CCNY: variants seen among roughly 807,000 people sequenced by gnomAD.
CCNY encodes the protein cyclin Y.
Under a neutral mutation model 42.8 loss-of-function variants are expected in CCNY, and 19 were observed. The observed-to-expected ratio is 0.44, with a 90% confidence interval of 0.31 to 0.65. The LOEUF (loss-of-function observed/expected upper bound fraction) is 0.65. CCNY is among the 30% of genes least tolerant of loss of function. The pLI is 0.07. For synonymous variants in CCNY, 165 were observed against 162.7 expected (o/e 1.01, Z -0.11); for missense variants, 370 against 437.3 (o/e 0.85, Z 1.37).
chr10:35,535,531 C>T (rs780368891), intron 7 of CCNY, among the ~76,000 whole-genome samples: 7 of 152,124 alleles, frequency 4.6e-5, no homozygotes, highest in East Asian at 3.9e-4. Context: ...TGTATGTATA[C>T]GTATATGTAT....
chr10:35,368,243 A>G (rs1306333135), intron 1 of CCNY, among the ~76,000 whole-genome samples: 1 of 152,180 alleles, frequency 6.6e-6, no homozygotes, highest in Non-Finnish European at 1.5e-5. Flanking sequence ...AGTCTTGTTC[A>G]GTTTTCTGGG....
intron 1 of CCNY, among the ~76,000 whole-genome samples, chr10:35,451,123 G>A (rs1823259240): frequency 6.6e-6 from 1 of 152,192 alleles, no homozygotes; most frequent in Non-Finnish European, 1.5e-5. Context: ...CAGAATAAAT[G>A]TGTATTTCCC....
At chr10:35,469,268 A>G (rs1732522447) in intron 1 of CCNY, among the ~76,000 whole-genome samples, 1 of 152,230 alleles carries the variant, frequency 6.6e-6, no homozygotes, top group Non-Finnish European at 1.5e-5. Context: ...GCTGTATTAT[A>G]TTTTAACTCA....
intron 1 of CCNY, among the ~76,000 whole-genome samples, chr10:35,345,193 A>G (rs1021395197): frequency 6.6e-6 from 1 of 152,246 alleles, no homozygotes; most frequent in Non-Finnish European, 1.5e-5. Flanking sequence ...TCCTACCAAC[A>G]GTGTAAAAAT....
chr10:35,414,234 CT>C (rs1180206488), intron 1 of CCNY, among the ~76,000 whole-genome samples: 3 of 152,208 alleles, frequency 2.0e-5, no homozygotes, highest in Non-Finnish European at 4.4e-5. Context: ...AGTCAAGATA[CT>C]TCCATGGCTA....
intron 1 of CCNY, among the ~76,000 whole-genome samples, chr10:35,418,057 T>C (rs1838064284): frequency 2.0e-5 from 3 of 152,244 alleles, no homozygotes; most frequent in African/African-American, 7.2e-5. Context: ...GATAAGACTT[T>C]TGAGTATAAA....
chr10:35,449,777 T>G lies in CCNY; in HGVS notation c.155-33627T>G, dbSNP rs1375517447. 4.1e-6 allele frequency: 4 copies of G among 985,258 alleles called. No homozygotes were observed. The Admixed American group carries it at 2.5e-4, about 61-fold the overall frequency. 61.0% of individuals were successfully genotyped at this position (985,258 alleles called of 1,614,324 possible). ...AATGGAGGCAAGAAGGCTGCAGTGC[T>G]TCTCCTGGCCTCTGTCTTCTCAGCT... On this transcript the variant is annotated intron_variant, in intron 1 of 9. Transcript: ENST00000374704.
chr10:35,290,264 A>ACACACACACACACACACAC (rs61407161), intron 3 of CCNY, among the ~76,000 whole-genome samples: 2 of 149,090 alleles, frequency 1.3e-5, no homozygotes, highest in African/African-American at 5.0e-5. Context: ...ACACACACAC[A>ACACACACACACACACACAC]AAATTAGCTG....
intron 1 of CCNY, among the ~76,000 whole-genome samples, 191 bp downstream of exon 1, chr10:35,337,398 A>C (rs1429533365): frequency 6.6e-6 from 1 of 152,112 alleles, no homozygotes. Context: ...GTTACCCCCA[A>C]GTGAGCGGCC....
At chr10:35,378,846 G>A (rs1426968466) in intron 1 of CCNY, among the ~76,000 whole-genome samples, 2 of 152,110 alleles carry the variant, frequency 1.3e-5, no homozygotes, top group Admixed American at 6.5e-5. Context: ...GTTAGTTAGG[G>A]GTGGAATGGG....
chr10:35,257,905 T>C (rs1231304522), intron 3 of CCNY, among the ~76,000 whole-genome samples: 1 of 152,228 alleles, frequency 6.6e-6, no homozygotes, highest in Non-Finnish European at 1.5e-5. Context: ...ACAAGTCCCT[T>C]AGATTCTGTT....
intron 1 of CCNY, among the ~76,000 whole-genome samples, chr10:35,402,739 G>A (rs1268775323): frequency 6.6e-6 from 1 of 152,158 alleles, no homozygotes; most frequent in Non-Finnish European, 1.5e-5. Flanking sequence ...GACTTCATCA[G>A]GGTGAAAGTA....
intron 3 of CCNY, chr10:35,315,069 A>C (rs907878657): frequency 6.6e-6 from 1 of 152,224 alleles, no homozygotes; most frequent in Non-Finnish European, 1.5e-5. Context: ...CAACAAGAGC[A>C]AAACTCCGTC....
chr10:35,549,804 C>A (rs1841209608), intron 7 of CCNY, among the ~76,000 whole-genome samples: 2 of 71,898 alleles, frequency 2.8e-5, no homozygotes, highest in African/African-American at 6.2e-5. Flanking sequence ...TGCTCGTGAC[C>A]CTGCGCTGCT....
chr10:35,258,460 C>T (rs1278775961), intron 3 of CCNY, among the ~76,000 whole-genome samples: 1 of 152,168 alleles, frequency 6.6e-6, no homozygotes, highest in Admixed American at 6.6e-5. Context: ...AGAGTGCTGG[C>T]CCTTCATTTC....
At chr10:35,351,868 G>A (rs1357887552) in intron 1 of CCNY, among the ~76,000 whole-genome samples, 1 of 152,152 alleles carries the variant, frequency 6.6e-6, no homozygotes, top group Admixed American at 6.5e-5. Context: ...TGCTCCTCCT[G>A]AATGTCTTCA....
chr10:35,441,339 T>C (rs1393719983), intron 1 of CCNY, among the ~76,000 whole-genome samples: 5 of 152,244 alleles, frequency 3.3e-5, no homozygotes, highest in African/African-American at 1.2e-4. Context: ...CTTTCCCTGA[T>C]GTTAAGTGTT....
chr10:35,553,181 G>A lies in CCNY; in HGVS notation c.742G>A (p.Asp248Asn). The A allele has an allele frequency of 6.2e-7, 1 of 1,613,866 alleles. No homozygotes were observed. Among genetic ancestry groups the A allele is most frequent in the Non-Finnish European group, 8.5e-7 (1 of 1,179,724 alleles). ...CQILKDITVE[D>N]MNELERQFLE... Reference sequence around the variant, plus strand: ...GATCCTGAAAGACATCACGGTGGAGGACATGTGAGTTGGGGGGCAGAGGGT... The same window carrying A: ...GATCCTGAAAGACATCACGGTGGAGAACATGTGAGTTGGGGGGCAGAGGGT... The change falls in exon 8 of 10, where the codon GAC becomes AAC. Residue 248 changes from aspartate (D) to asparagine (N), a missense_variant. Asp to Asn is a conservative substitution (Grantham distance 23). Transcript: ENST00000374704.
chr10:35,540,940 T>G (rs997552839), intron 7 of CCNY, among the ~76,000 whole-genome samples: 3 of 152,192 alleles, frequency 2.0e-5, no homozygotes, highest in African/African-American at 7.2e-5. Context: ...GTTTTTGAAT[T>G]TTGTTGTTTT....
Sources: allele counts gnomAD v4.1 joint callset (sites outside exome capture counted in the v4.1 genomes callset), GRCh38; gene constraint gnomAD v4.1.1; transcripts MANE v1.5; gene names NCBI Gene and HGNC (gene_info 2026-07-23, HGNC 2026-07-21).